The following NLRP2 variants were observed in gnomAD, a reference collection of about 807,000 sequenced individuals.
The protein encoded by NLRP2 is NACHT, LRR and PYD domains-containing protein 2.
NLRP2 carries 107 observed loss-of-function variants against 97.2 expected under a neutral mutation model. The observed-to-expected ratio is 1.10, with a 90% confidence interval of 0.94 to 1.29. The LOEUF (loss-of-function observed/expected upper bound fraction) is 1.29, where lower values mean the gene tolerates loss of function less well. Among genes scored for constraint, NLRP2 ranks in the 50% most tolerant of loss-of-function variants. The pLI, the probability that NLRP2 is intolerant of heterozygous loss-of-function variation, is 0.00. For synonymous variants in NLRP2, 663 were observed against 551.5 expected (o/e 1.20, Z -2.83); for missense variants, 1,495 against 1,330.3 (o/e 1.12, Z -1.93).
At position 54,983,345 on chromosome 19, in the gene NLRP2, C is replaced by A; in HGVS notation, c.1647C>A (p.Asp549Glu). The A allele has an allele frequency of 6.2e-7, 1 of 1,614,188 alleles. No homozygotes were observed. The highest frequency in any genetic ancestry group is 8.5e-7 in the Non-Finnish European group (1 of 1,180,034). The change falls in exon 6 of 13, where the codon GAC (aspartate) becomes GAA (glutamate). Residue 549 changes from aspartate (D) to glutamate (E), a missense_variant. Physicochemically the swap from Asp to Glu is conservative, Grantham distance 45 (BLOSUM62 2). Transcript: ENST00000448584. ...GAGTAGAAAGACTCAGGAACCCCGA[C>A]CTGATCCAAGCAGGCTACTACTCCT... ...LSGVERLRNP[D>E]LIQAGYYSFG...
At chr19:54,984,564 C>T (rs1311596648) in intron 6 of NLRP2, among the ~76,000 whole-genome samples, 1 of 138,442 alleles carries the variant, frequency 7.2e-6, no homozygotes, top group African/African-American at 2.8e-5. Context: ...CTCACTGCAA[C>T]CTCCGCCCCA....
chr19:54,992,556 CTT>C lies in NLRP2; in HGVS notation c.2709-1698_2709-1697del, dbSNP rs71181721. Among the ~76,000 whole-genome samples, 517 of 82,534 alleles carry C rather than the reference CTT, an allele frequency of 6.3e-3. 3 individuals carry two copies. Among genetic ancestry groups the C allele is most frequent in the African/African-American group, 0.024 (457 of 19,176 alleles). 54.1% of individuals were successfully genotyped at this position (82,534 alleles called of 152,430 possible). On this transcript the variant is annotated intron_variant, in intron 10 of 12. Coordinates refer to ENST00000448584, the MANE Select transcript of NLRP2 (RefSeq NM_017852.5). ...ATTTTTTTGGGGGGGGGGGGGTTTT[CTT>C]TTTTTTTTTTTTTTGGTTTTTTTTT...
chr19:54,989,559 G>A (rs1174055596), intron 8 of NLRP2: 1 of 242,806 alleles, frequency 4.1e-6, no homozygotes, highest in Non-Finnish European at 8.1e-6. Flanking sequence ...ATTTCCAGCT[G>A]ATTCCTGGGC....
chr19:54,970,587 C>T (rs182140765), intron 2 of NLRP2, among the ~76,000 whole-genome samples: 12 of 151,502 alleles, frequency 7.9e-5, no homozygotes, highest in East Asian at 1.9e-4. Flanking sequence ...ATCTAGGAGG[C>T]GGGGGTTGCT....
rs1256434826 is a variant in NLRP2, at chr19:54,982,212, T to C, written c.514T>C (p.Trp172Arg). The C allele has an allele frequency of 1.2e-6, 2 of 1,614,134 alleles. No homozygotes were observed. Among genetic ancestry groups the C allele is most frequent in the Non-Finnish European group, 1.7e-6 (2 of 1,180,032 alleles). ...YILKTKFREM[W>R]KSWPGDSKEV... ...ATTGAAGACGAAGTTCCGGGAGATG[T>C]GGAAGAGCTGGCCTGGAGATAGCAA... The change falls in exon 6 of 13, where the codon TGG (tryptophan) becomes CGG (arginine). Residue 172 changes from tryptophan to arginine, a missense_variant. Coordinates refer to ENST00000448584, the MANE Select transcript of NLRP2 (RefSeq NM_017852.5).
At chr19:54,985,933 T>G (rs926506497) in intron 7 of NLRP2, among the ~76,000 whole-genome samples, 12 of 151,414 alleles carry the variant, frequency 7.9e-5, no homozygotes, top group Admixed American at 2.6e-4. Context: ...GGAGGCAGAG[T>G]TTGCTTTGCA....
chr19:54,981,470 A>G lies in NLRP2; in HGVS notation c.398-147A>G. ...GGCATGAGCCACCACACCTGGCCGG[A>G]AAACACATTTGTAGCTTATTTGCTT... On this transcript the variant is annotated intron_variant, in intron 4 of 12. Transcript: ENST00000448584. 4 of 663,794 alleles carry G rather than the reference A, an allele frequency of 6.0e-6. 1 individual carries two copies. The South Asian group carries it at 6.4e-5, about 11-fold the overall frequency. The allele number at this position is 663,794 out of a possible 1,614,324, so 41.1% of individuals were successfully genotyped here.
chr19:54,990,406 C>T, intron 9 of NLRP2, 96 bp from the exon 10 acceptor site: 4 of 1,356,842 alleles, frequency 2.9e-6, no homozygotes, highest in Non-Finnish European at 4.2e-6. Context: ...GGGGAGTTCA[C>T]AAGAAGGGGC....
chr19:54,979,055 G>C lies in NLRP2; in HGVS notation c.397+1232G>C, dbSNP rs1288001852. On this transcript the variant is annotated intron_variant, in intron 4 of 12. Transcript: ENST00000448584. The stretch of plus-strand genomic sequence containing the variant: ...GCTGGAGTGCAGTGGCCCCATCTTG[G>C]CTCACTGCAATCTCTGCCTCCTGGG... Among the ~76,000 whole-genome samples, 4 of 151,578 alleles carry C rather than the reference G, an allele frequency of 2.6e-5. No individual in the cohort carries two copies. The East Asian group carries it at 5.9e-4, about 22-fold the overall frequency.
At chr19:54,994,807 C>T (rs989913716) in intron 11 of NLRP2, among the ~76,000 whole-genome samples, 6 of 151,458 alleles carry the variant, frequency 4.0e-5, no homozygotes, top group African/African-American at 7.3e-5. Context: ...GACAGGGTTT[C>T]GCCATGTTGA....
Position 54,977,766 on chromosome 19 carries a change from G to A in NLRP2, c.340G>A (p.Glu114Lys). Residue 114 changes from glutamate (E) to lysine (K), a missense_variant, in exon 4 of 13, where the codon GAA becomes AAA. Glu to Lys is a moderately conservative substitution (Grantham distance 56). Transcript: ENST00000448584. ...KPLSLGITRK[E>K]RPPLDVDEML... ...TTTTTCTCCAGGGATAACACGGAAA[G>A]AACGACCACCTCTAGACGTGGACGA... 1.9e-6 allele frequency: 3 copies of A among 1,613,864 alleles called. No homozygotes were observed. Among genetic ancestry groups the A allele is most frequent in the South Asian group, 1.1e-5 (1 of 91,080 alleles).
chr19:54,970,949 C>T (rs891771331), intron 2 of NLRP2, among the ~76,000 whole-genome samples: 1 of 132,324 alleles, frequency 7.6e-6, no homozygotes, highest in African/African-American at 2.8e-5. Flanking sequence ...TTAGGTATAT[C>T]TCCCAATGCT....
At chr19:54,968,697 A>C (rs1326221458) in intron 1 of NLRP2, among the ~76,000 whole-genome samples, 1 of 22,036 alleles carries the variant, frequency 4.5e-5, no homozygotes, top group Non-Finnish European at 7.8e-5. Context: ...AGTTATCTTT[A>C]AGCCTTTTTT....
rs1157138794 is a variant in NLRP2, at chr19:55,000,270, C to CTT, written c.3051-452_3051-451dup. Among the ~76,000 whole-genome samples the CTT allele has an allele frequency of 3.6e-3, 128 of 36,024 alleles. 33 individuals carry two copies. Among genetic ancestry groups the CTT allele is most frequent in the Non-Finnish European group, 4.0e-3 (83 of 20,646 alleles). The allele number at this position is 36,024 out of a possible 152,430, so 23.6% of individuals were successfully genotyped here. A position where few individuals can be genotyped will look rare whatever the true frequency, so the allele number is the denominator to read the frequency against. On this transcript the variant is annotated intron_variant, in intron 12 of 12. Transcript: ENST00000448584. ...CCAGCTTGGGCAACAGAGAGACTGT[C>CTT]TTTTTTTTTTTTTTTTTTTTTTTTT...
chr19:54,975,053 A>AGC (rs1194985901), intron 3 of NLRP2, among the ~76,000 whole-genome samples: 1 of 146,292 alleles, frequency 6.8e-6, no homozygotes, highest in Admixed American at 7.2e-5. Flanking sequence ...TGCCCACCTC[A>AGC]GCGTCCCAAA....
rs1157138794 is a variant in NLRP2 at position 55,000,270 on chromosome 19, C to CTTTTTTTTTTTTTTTTTTTTT, written c.3051-471_3051-451dup. 5.6e-5 allele frequency among the ~76,000 whole-genome samples: 2 copies of CTTTTTTTTTTTTTTTTTTTTT among 36,000 alleles called. 1 individual carries two copies. The highest frequency in any genetic ancestry group is 9.7e-5 in the Non-Finnish European group (2 of 20,644). 23.6% of individuals were successfully genotyped at this position (36,000 alleles called of 152,430 possible). On this transcript the variant is annotated intron_variant, in intron 12 of 12. Transcript: ENST00000448584. ...CCAGCTTGGGCAACAGAGAGACTGT[C>CTTTTTTTTTTTTTTTTTTTTT]TTTTTTTTTTTTTTTTTTTTTTTTT... is the stretch of plus-strand genomic sequence containing the variant.
In NLRP2 at chr19:54,982,334, T is replaced by G. The variant is rs752221005; in HGVS notation, c.636T>G (p.Tyr212Ter). The change falls in exon 6 of 13, where the codon TAT (tyrosine) becomes TAG (stop). Residue 212 changes from tyrosine (Y) to a stop codon, truncating the protein, a stop_gained. Transcript: ENST00000448584. LOFTEE classifies it high-confidence loss of function. ...CCTTCTCATACACGGTGGTGCTGTA[T>G]GGTCCTGCAGGCCTTGGGAAAACCA... ...PGPFSYTVVL[Y>*]GPAGLGKTTL... The G allele has an allele frequency of 2.5e-6, 4 of 1,614,118 alleles. No homozygotes were observed. Among genetic ancestry groups the G allele is most frequent in the Non-Finnish European group, 2.5e-6 (3 of 1,180,026 alleles).
At chr19:54,985,287 A>G in intron 7 of NLRP2, 70 bp downstream of exon 7, 4 of 1,438,970 alleles carry the variant, frequency 2.8e-6, no homozygotes, top group Non-Finnish European at 3.9e-6. Context: ...ACATCGGAGC[A>G]ATATTCAGAT....
At chr19:54,970,500 C>A (rs1364569335) in intron 2 of NLRP2, among the ~76,000 whole-genome samples, 2 of 151,920 alleles carry the variant, frequency 1.3e-5, no homozygotes, top group Non-Finnish European at 2.9e-5. Flanking sequence ...ACTAAAAATA[C>A]AAAAATTTGC....
Sources: allele counts gnomAD v4.1 joint callset (sites outside exome capture counted in the v4.1 genomes callset), GRCh38; gene constraint gnomAD v4.1.1; transcripts MANE v1.5; gene names NCBI Gene and HGNC (gene_info 2026-07-23, HGNC 2026-07-21).